Variants in IGF2R observed in about 807,000 individuals in gnomAD.
IGF2R encodes the protein insulin like growth factor 2 receptor.
IGF2R carries 91 observed loss-of-function variants against 270.6 expected under a neutral mutation model. The observed-to-expected ratio is 0.34, with a 90% CI of 0.28 to 0.40. The LOEUF is 0.40. Among genes scored for constraint, IGF2R ranks in the 10% least tolerant of loss-of-function variants. The pLI is 1.00. For missense variants in IGF2R, 2,805 were observed against 3,188.3 expected (o/e 0.88, Z 2.90); for synonymous variants, 1,316 against 1,258.9 (o/e 1.05, Z -0.96).
At chr6:160,038,506 AT>A (rs1462197623) in intron 10 of IGF2R, among the ~76,000 whole-genome samples, 1 of 152,236 alleles carries the variant, frequency 6.6e-6, no homozygotes, top group African/African-American at 2.4e-5. Flanking sequence ...TACTAGGACG[AT>A]TTGTAGTAGT....
intron 12 of IGF2R, 90 bp from the exon 13 acceptor site, chr6:160,044,424 C>CTT (rs1778021400): frequency 2.6e-6 from 3 of 1,147,214 alleles, no homozygotes; most frequent in East Asian, 2.5e-5. Context: ...CTTTCTTTCT[C>CTT]TTTCTTTCTT....
At chr6:160,061,070 G>A (rs1440714573) in intron 23 of IGF2R, among the ~76,000 whole-genome samples, 1 of 152,194 alleles carries the variant, frequency 6.6e-6, no homozygotes, top group Admixed American at 6.5e-5. Flanking sequence ...AACTCCCTAA[G>A]CTGTGCCCTG....
At chr6:160,081,661 T>G (rs1778985505) in intron 39 of IGF2R, among the ~76,000 whole-genome samples, 1 of 152,198 alleles carries the variant, frequency 6.6e-6, no homozygotes, top group African/African-American at 2.4e-5. Flanking sequence ...CAGACACCCC[T>G]AGAGTGGCCA....
At chr6:160,049,391 G>A (rs752915014) in intron 18 of IGF2R, among the ~76,000 whole-genome samples, 10 of 152,112 alleles carry the variant, frequency 6.6e-5, no homozygotes, top group South Asian at 2.1e-4. Context: ...CATAGTACCC[G>A]ACAAGCCTGT....
At chr6:160,035,381 A>C (rs572395552) in intron 10 of IGF2R, among the ~76,000 whole-genome samples, 149 of 152,328 alleles carry the variant, frequency 9.8e-4, no homozygotes, top group African/African-American at 3.5e-3. Context: ...AGGGAGAGGC[A>C]GCTGGACATG....
rs766245947 is a variant in IGF2R at position 160,062,544 on chromosome 6, T to C, written c.3595T>C (p.Phe1199Leu). Residue 1199 changes from phenylalanine to leucine, a missense_variant, in exon 26 of 48, where the codon TTT becomes CTT. Phe to Leu is a conservative substitution (Grantham distance 22, BLOSUM62 0). Transcript: ENST00000356956. ...ECAQISGSPA[F>L]QLQDGCEYVF... Reference sequence around the variant, plus strand: ...ATTTATATTACAGGGCTCACCAGCATTTCAGCTTCAGGATGGTTGTGAGTA... The same window carrying C: ...ATTTATATTACAGGGCTCACCAGCACTTCAGCTTCAGGATGGTTGTGAGTA... 6.2e-6 allele frequency: 10 copies of C among 1,613,200 alleles called. No individual in the cohort carries two copies. The South Asian group carries it at 9.9e-5, about 16-fold the overall frequency.
chr6:160,080,404 C>A, intron 39 of IGF2R, 129 bp downstream of exon 39: 2 of 942,746 alleles, frequency 2.1e-6, no homozygotes, highest in Non-Finnish European at 3.1e-6. Flanking sequence ...TATTTTCTTA[C>A]TCGGGCTGTT....
chr6:160,009,746 A>G (rs945968064), intron 3 of IGF2R, among the ~76,000 whole-genome samples: 1 of 152,186 alleles, frequency 6.6e-6, no homozygotes, highest in Non-Finnish European at 1.5e-5. Context: ...TGGGAGAAGG[A>G]ATTGGTATAC....
At chr6:160,063,895 A>G (rs1462026252) in intron 27 of IGF2R, among the ~76,000 whole-genome samples, 1 of 152,146 alleles carries the variant, frequency 6.6e-6, no homozygotes, top group Non-Finnish European at 1.5e-5. Context: ...CTTCTTTATT[A>G]CAACGTTGGG....
At chr6:160,027,376 G>T in intron 6 of IGF2R, 62 bp downstream of exon 6, 1 of 1,518,826 alleles carries the variant, frequency 6.6e-7, no homozygotes, top group African/African-American at 1.4e-5. Flanking sequence ...TGACTTTCAG[G>T]GAGCTGCAGG....
At chr6:160,078,156 C>T (rs373298075) in intron 36 of IGF2R, 45 bp from the exon 37 acceptor site, 3 of 1,602,626 alleles carry the variant, frequency 1.9e-6, no homozygotes, top group Admixed American at 1.7e-5. Context: ...GCTATCTATC[C>T]CTATGCCATG....
At chr6:160,085,247 T>A (rs1779075179) in intron 41 of IGF2R, 116 bp downstream of exon 41, 1 of 1,085,470 alleles carries the variant, frequency 9.2e-7, no homozygotes, top group East Asian at 2.6e-5. Context: ...AACCTCCAGA[T>A]ATGATTGCCT....
chr6:160,081,991 G>T (rs1047768334), intron 39 of IGF2R, among the ~76,000 whole-genome samples: 2 of 152,196 alleles, frequency 1.3e-5, no homozygotes, highest in Non-Finnish European at 2.9e-5. Flanking sequence ...CTCAGCTTAC[G>T]AAGATGATGG....
In IGF2R at chr6:160,073,184, G is replaced by A. The variant is rs1369842580; in HGVS notation, c.4691-29G>A. 1.9e-6 allele frequency: 3 copies of A among 1,604,896 alleles called. No homozygotes were observed. The African/African-American group carries it at 4.0e-5, about 21-fold the overall frequency. On this transcript the variant is annotated intron_variant, in intron 33 of 47. Coordinates refer to ENST00000356956, the MANE Select transcript of IGF2R (RefSeq NM_000876.4). ...AATTGGCCATCGAGTCTGTGATTGTGTTTTCTCCGCCTTTCCCTTGTGGTG... is the reference window on the plus strand; with the variant it reads ...AATTGGCCATCGAGTCTGTGATTGTATTTTCTCCGCCTTTCCCTTGTGGTG...
In IGF2R at chr6:160,064,397, A is replaced by G; in HGVS notation, c.3887-4A>G. 1 of 1,614,126 alleles carries G rather than the reference A, an allele frequency of 6.2e-7. No individual in the cohort carries two copies. Among genetic ancestry groups the G allele is most frequent in the Non-Finnish European group, 8.5e-7 (1 of 1,180,006 alleles). On this transcript the variant is annotated splice_region_variant and splice_polypyrimidine_tract_variant and intron_variant, in intron 27 of 47. Transcript: ENST00000356956. ...ACCTTGTTTAATGTTCTCCTTCTTT[A>G]CAGGTCTCCTGACTCAGAAGCTAAC... is the stretch of plus-strand genomic sequence containing the variant.
chr6:160,066,954 C>A (rs947226883), intron 29 of IGF2R, among the ~76,000 whole-genome samples: 2 of 152,224 alleles, frequency 1.3e-5, no homozygotes, highest in African/African-American at 4.8e-5. Flanking sequence ...ACTCCGAGGT[C>A]TCCTTGCCAT....
At chr6:160,097,316 G>A (rs1276841838) in intron 45 of IGF2R, among the ~76,000 whole-genome samples, 1 of 152,022 alleles carries the variant, frequency 6.6e-6, no homozygotes, top group East Asian at 1.9e-4. Context: ...ACCCATCATT[G>A]TATTTATATT....
chr6:160,006,960 T>A (rs1202627259), intron 2 of IGF2R: 1 of 150,142 alleles, frequency 6.7e-6, no homozygotes, highest in Non-Finnish European at 1.5e-5. Context: ...AAAAAAAATC[T>A]GTGTGTTTGC....
intron 30 of IGF2R, 58 bp downstream of exon 30, chr6:160,068,443 C>T (rs1778640337): frequency 2.5e-6 from 4 of 1,600,810 alleles, no homozygotes; most frequent in Non-Finnish European, 3.4e-6. Flanking sequence ...CAGGCCAGCA[C>T]TGGTGAGAGG....
Sources: gnomAD v4.1 joint callset for allele counts (sites outside exome capture counted in the v4.1 genomes callset) on GRCh38, gnomAD v4.1.1 for gene constraint, MANE v1.5 for transcripts, NCBI Gene and HGNC (gene_info 2026-07-23, HGNC 2026-07-21) for gene names.